ACAD9: variants seen among roughly 807,000 people sequenced by gnomAD.
ACAD9 encodes the protein acyl-CoA dehydrogenase family member 9, also known as complex I assembly factor ACAD9, mitochondrial.
ACAD9 carries 53 observed loss-of-function variants against 70.2 expected under a neutral mutation model. The ratio of observed to expected loss-of-function variants is 0.75; its 90% CI spans 0.61 to 0.95. The LOEUF (loss-of-function observed/expected upper bound fraction) is 0.95. Ranked by LOEUF, ACAD9 falls within the 40% of genes least tolerant of loss-of-function variation. ACAD9 has a pLI of 0.00. For synonymous variants in ACAD9, 313 were observed against 312.1 expected, an observed-to-expected ratio of 1.00 and a Z score of -0.03; for missense variants, 777 against 802.8, an observed-to-expected ratio of 0.97 and a Z score of 0.39.
chr3:128,900,593 G>A (rs1935709973), intron 7 of ACAD9, among the ~76,000 whole-genome samples: 1 of 151,364 alleles, frequency 6.6e-6, no homozygotes, highest in Admixed American at 6.6e-5. Flanking sequence ...GAACTCCTGG[G>A]TTCAAGTGAT....
chr3:128,902,451 C>T lies in ACAD9; in HGVS notation c.883-102C>T. The stretch of plus-strand genomic sequence containing the variant: ...GAGGCATTAGGATGGTGCTTTCTCC[C>T]AGCTTGAGGGAAGGCAAGCTGATCC... On this transcript the variant is annotated intron_variant, in intron 8 of 17. Coordinates refer to ENST00000308982, the MANE Select transcript of ACAD9 (RefSeq NM_014049.5). This position sits in a 1 kb window ranked among gnomAD's most constrained non-coding sequence, Gnocchi z 4.0. The T allele has an allele frequency of 8.6e-7, 1 of 1,165,798 alleles. No homozygotes were observed. 72.2% of individuals were successfully genotyped at this position (1,165,798 alleles called of 1,614,324 possible).
rs1303050551 is a variant in ACAD9, at chr3:128,910,735, TGGC to T, written c.1693-5_1693-3del. 2 of 1,614,242 alleles carry T rather than the reference TGGC, an allele frequency of 1.2e-6. No individual in the cohort carries two copies. The highest frequency in any genetic ancestry group is 2.2e-5 in the South Asian group (2 of 91,086). The stretch of plus-strand genomic sequence containing the variant: ...GGCATATCTTTTCTGTCCTCGGTTC[TGGC>T]AGGTTCTCTTGGCCAACACCTTCTG... On this transcript the variant is annotated splice_region_variant and splice_polypyrimidine_tract_variant and intron_variant, in intron 16 of 17. Transcript: ENST00000308982.
intron 8 of ACAD9, among the ~76,000 whole-genome samples, chr3:128,901,833 C>T (rs1446977212): frequency 6.6e-6 from 1 of 152,190 alleles, no homozygotes; most frequent in Non-Finnish European, 1.5e-5. Context: ...CATTTCCTCA[C>T]CCCAAAAAGA....
At chr3:128,908,762 C>T in intron 13 of ACAD9, 3 of 688,924 alleles carry the variant, frequency 4.4e-6, no homozygotes, top group Non-Finnish European at 7.4e-6. Flanking sequence ...TGACTCCACC[C>T]CTCATGGGGG....
chr3:128,879,917 T>C (rs1232840664), intron 1 of ACAD9, 76 bp downstream of exon 1: 2 of 1,608,906 alleles, frequency 1.2e-6, no homozygotes, highest in Non-Finnish European at 1.7e-6. Context: ...GGTGTTGAAC[T>C]TTGTGAGATT....
chr3:128,910,093 G>T lies in ACAD9; in HGVS notation c.1636G>T (p.Val546Leu). The change falls in exon 16 of 18, where the codon GTG becomes TTG. Residue 546 changes from valine (V) to leucine (L), a missense_variant. By Grantham distance (32) the Val-to-Leu change is conservative. Transcript: ENST00000308982. The stretch of plus-strand genomic sequence containing the variant: ...CATCAACCTGTATGGCATGACGGCC[G>T]TGCTGTCGCGGGCCAGCCGCTCCAT... The part of the protein sequence containing the change: ...ILINLYGMTA[V>L]LSRASRSIRI... 1 of 1,613,842 alleles carries T rather than the reference G, an allele frequency of 6.2e-7. No homozygotes were observed. Among genetic ancestry groups the T allele is most frequent in the Non-Finnish European group, 8.5e-7 (1 of 1,179,992 alleles).
Position 128,906,119 on chromosome 3 carries a change from A to G in ACAD9, c.1150-2A>G, listed in dbSNP as rs2107659422. On this transcript the variant is annotated splice_acceptor_variant, in intron 11 of 17. Coordinates refer to ENST00000308982, the MANE Select transcript of ACAD9 (RefSeq NM_014049.5). LOFTEE classifies it high-confidence loss of function. ...GAAAGGATTCAGTGTGACACCCCACAGGTGTTCAGCTCCGAGGCCGCCTGG... is the reference window on the plus strand; with the variant it reads ...GAAAGGATTCAGTGTGACACCCCACGGGTGTTCAGCTCCGAGGCCGCCTGG... 1 of 1,614,140 alleles carries G rather than the reference A, an allele frequency of 6.2e-7. No homozygotes were observed. Among genetic ancestry groups the G allele is most frequent in the Non-Finnish European group, 8.5e-7 (1 of 1,180,020 alleles).
intron 5 of ACAD9, among the ~76,000 whole-genome samples, chr3:128,897,225 G>A (rs767429035): frequency 6.6e-6 from 1 of 152,138 alleles, no homozygotes; most frequent in Admixed American, 6.5e-5. Flanking sequence ...GTCTTGCTGC[G>A]TCACCCAGGC....
intron 13 of ACAD9, 107 bp downstream of exon 13, chr3:128,908,371 G>A (rs762487982): frequency 1.9e-4 from 252 of 1,358,910 alleles, no homozygotes; most frequent in Non-Finnish European, 2.3e-4. Flanking sequence ...GTGGGGGCAT[G>A]GGGGTGTGGC....
intron 1 of ACAD9, 81 bp from the exon 2 acceptor site, chr3:128,884,572 T>C: frequency 1.9e-6 from 2 of 1,066,564 alleles, no homozygotes; most frequent in Non-Finnish European, 2.8e-6. Context: ...AGCACATGTT[T>C]TTCCTTCCCT....
intron 1 of ACAD9, among the ~76,000 whole-genome samples, chr3:128,882,269 C>A (rs765010400): frequency 6.6e-6 from 1 of 152,204 alleles, no homozygotes. Flanking sequence ...AAACTGAGTT[C>A]CTGGTTCCCA....
chr3:128,911,031 A>G (rs1408364526), intron 17 of ACAD9, among the ~76,000 whole-genome samples: 1 of 152,154 alleles, frequency 6.6e-6, no homozygotes, highest in Non-Finnish European at 1.5e-5. Context: ...AGTTGTATGT[A>G]TATATGTGTG....
At chr3:128,898,583 A>G (rs73210606) in intron 6 of ACAD9, 13,842 of 328,250 alleles carry the variant, frequency 0.042, 411 homozygotes, top group Non-Finnish European at 0.057. Flanking sequence ...TTTTTTTGGT[A>G]GAGATGGGTT....
At chr3:128,881,202 A>T (rs1935082417) in intron 1 of ACAD9, among the ~76,000 whole-genome samples, 1 of 152,266 alleles carries the variant, frequency 6.6e-6, no homozygotes, top group African/African-American at 2.4e-5. Context: ...CCTTTTACCC[A>T]GGACCTGGGG....
intron 16 of ACAD9, 185 bp downstream of exon 16, chr3:128,910,334 CTGAG>C: frequency 6.8e-7 from 1 of 1,474,802 alleles, no homozygotes; most frequent in African/African-American, 1.4e-5. Flanking sequence ...TTCTTCCTGA[CTGAG>C]AGAAGAGGGG....
chr3:128,891,728 C>T (rs1935426341), intron 2 of ACAD9, among the ~76,000 whole-genome samples: 1 of 152,246 alleles, frequency 6.6e-6, no homozygotes, highest in African/African-American at 2.4e-5. Context: ...TTCCTGACTT[C>T]ATATTGCTTC....
In ACAD9 at chr3:128,897,011, G is replaced by A. The variant is rs1405957807; in HGVS notation, c.554+475G>A. Among the ~76,000 whole-genome samples, 3 of 152,178 alleles carry A rather than the reference G, an allele frequency of 2.0e-5. No individual in the cohort carries two copies. The East Asian group carries it at 5.8e-4, about 29-fold the overall frequency. On this transcript the variant is annotated intron_variant, in intron 5 of 17. Coordinates refer to ENST00000308982, the MANE Select transcript of ACAD9 (RefSeq NM_014049.5). ...CACTTTGCATGAGAACCTGGGAACA[G>A]TCATCCTTCCTGGGGTGCCCAGAAC...
At chr3:128,893,078 G>C (rs1011557947) in intron 2 of ACAD9, among the ~76,000 whole-genome samples, 1 of 152,020 alleles carries the variant, frequency 6.6e-6, no homozygotes, top group African/African-American at 2.4e-5. Context: ...GGGCGTGGTG[G>C]CTCACACCTA....
At chr3:128,883,489 C>G (rs7613576) in intron 1 of ACAD9, among the ~76,000 whole-genome samples, 10,675 of 152,054 alleles carry the variant, frequency 0.07, 949 homozygotes, top group African/African-American at 0.21. Context: ...TCCTGAGTAG[C>G]TGGGATTACA....
Sources: allele counts gnomAD v4.1 joint callset (sites outside exome capture counted in the v4.1 genomes callset), GRCh38; gene constraint gnomAD v4.1.1; non-coding constraint Gnocchi (gnomAD v3.1); transcripts MANE v1.5; gene names NCBI Gene and HGNC (gene_info 2026-07-23, HGNC 2026-07-21).